Variants in KCNH8 observed in about 807,000 individuals in gnomAD.
KCNH8 encodes potassium voltage-gated channel subfamily H member 8.
Under a neutral mutation model 103.6 loss-of-function variants are expected in KCNH8, and 70 were observed. That is an observed-to-expected ratio of 0.68 (90% CI 0.56 to 0.82). The LOEUF (loss-of-function observed/expected upper bound fraction) is 0.82, where lower values mean the gene tolerates loss of function less well. Ranked by LOEUF, KCNH8 falls within the 40% of genes least tolerant of loss-of-function variation. The probability of loss-of-function intolerance (pLI) is 0.00; values close to 1 mark genes in which losing one functional copy is unlikely to be tolerated. For synonymous variants in KCNH8, 498 were observed against 489.4 expected (o/e 1.02, Z -0.23); for missense variants, 1,217 against 1,329.9 (o/e 0.92, Z 1.32).
intron 15 of KCNH8, among the ~76,000 whole-genome samples, chr3:19,519,485 C>CA (rs905065384): frequency 1.3e-5 from 2 of 151,088 alleles, no homozygotes; most frequent in African/African-American, 4.9e-5. Flanking sequence ...CTCCCTTCTG[C>CA]ACCTGCCCTC....
rs1477490635 is a variant in KCNH8 at position 19,184,470 on chromosome 3, G to A, written c.76+35675G>A. On this transcript the variant is annotated intron_variant, in intron 1 of 15. Coordinates refer to ENST00000328405, the MANE Select transcript of KCNH8 (RefSeq NM_144633.3). ...ATACATAAGCACTTCAACTGTATAT[G>A]TAATTTTTCTAATTTAAAATATAAA... Among the ~76,000 whole-genome samples the A allele has an allele frequency of 2.0e-5, 3 of 152,082 alleles. No homozygotes were observed. In the East Asian group the frequency reaches 5.8e-4, roughly 29 times the overall value.
intron 15 of KCNH8, among the ~76,000 whole-genome samples, chr3:19,527,697 G>T (rs1228268263): frequency 6.6e-6 from 1 of 152,084 alleles, no homozygotes; most frequent in African/African-American, 2.4e-5. Flanking sequence ...CCTTCTTAGG[G>T]GTATGGAAGG....
intron 3 of KCNH8, among the ~76,000 whole-genome samples, chr3:19,333,769 T>C (rs868062900): frequency 6.6e-6 from 1 of 152,240 alleles, no homozygotes; most frequent in Non-Finnish European, 1.5e-5. Flanking sequence ...TTAACAAATT[T>C]GGACCAGTTA....
At chr3:19,441,813 G>A (rs2067288818) in intron 8 of KCNH8, among the ~76,000 whole-genome samples, 1 of 152,168 alleles carries the variant, frequency 6.6e-6, no homozygotes. Context: ...GCTCCTACAG[G>A]CTTCCTTGCA....
intron 1 of KCNH8, among the ~76,000 whole-genome samples, chr3:19,230,500 A>G (rs1269125464): frequency 6.6e-6 from 1 of 152,212 alleles, no homozygotes; most frequent in African/African-American, 2.4e-5. Flanking sequence ...ATGAGAAAAG[A>G]TAAAGATCTG....
intron 8 of KCNH8, among the ~76,000 whole-genome samples, chr3:19,439,952 GA>G (rs2067257157): frequency 6.6e-6 from 1 of 150,788 alleles, no homozygotes; most frequent in South Asian, 2.1e-4. Flanking sequence ...AAAAGAGACA[GA>G]GGGAGGAGAG....
At chr3:19,189,424 T>C (rs1489135528) in intron 1 of KCNH8, among the ~76,000 whole-genome samples, 1 of 151,990 alleles carries the variant, frequency 6.6e-6, no homozygotes, top group Non-Finnish European at 1.5e-5. Context: ...CAGTTCATAT[T>C]GTGGGGCTAA....
chr3:19,503,184 C>T (rs1237039582), intron 11 of KCNH8, among the ~76,000 whole-genome samples: 2 of 151,428 alleles, frequency 1.3e-5, no homozygotes, highest in African/African-American at 2.4e-5. Context: ...AAAATGCTCA[C>T]CATCACTGGC....
chr3:19,501,901 A>G (rs534434366), intron 11 of KCNH8, among the ~76,000 whole-genome samples: 1 of 152,338 alleles, frequency 6.6e-6, no homozygotes, highest in East Asian at 1.9e-4. Context: ...CTCCTATTCA[A>G]TATAGTGTTG....
At chr3:19,506,835 C>A (rs575546592) in intron 11 of KCNH8, among the ~76,000 whole-genome samples, 2 of 152,196 alleles carry the variant, frequency 1.3e-5, no homozygotes, top group African/African-American at 4.8e-5. Flanking sequence ...AAGCTGGGGG[C>A]ACCCTACCTG....
chr3:19,505,025 A>ATG (rs548741548), intron 11 of KCNH8, among the ~76,000 whole-genome samples: 11 of 150,974 alleles, frequency 7.3e-5, no homozygotes, highest in African/African-American at 2.2e-4. Flanking sequence ...ATATATATGT[A>ATG]TGTGTATATA....
chr3:19,291,237 A>T (rs1023911830), intron 3 of KCNH8, among the ~76,000 whole-genome samples: 1 of 151,640 alleles, frequency 6.6e-6, no homozygotes, highest in African/African-American at 2.4e-5. Context: ...TTGTGTCTCT[A>T]TTTCCTTCAG....
At chr3:19,161,275 T>C (rs2063231765) in intron 1 of KCNH8, among the ~76,000 whole-genome samples, 1 of 152,206 alleles carries the variant, frequency 6.6e-6, no homozygotes, top group East Asian at 1.9e-4. Flanking sequence ...CCAGGTGGTA[T>C]TGGAACATAT....
At chr3:19,468,575 A>C (rs898544252) in intron 11 of KCNH8, among the ~76,000 whole-genome samples, 3 of 152,234 alleles carry the variant, frequency 2.0e-5, no homozygotes, top group Non-Finnish European at 4.4e-5. Context: ...ATTTAAGCTG[A>C]ATAATAGGGG....
intron 6 of KCNH8, among the ~76,000 whole-genome samples, chr3:19,392,276 A>G (rs2066448462): frequency 1.3e-5 from 2 of 149,100 alleles, no homozygotes; most frequent in Non-Finnish European, 3.0e-5. Context: ...ATCTAACACA[A>G]ATGCTTCATA....
chr3:19,196,651 G>A (rs1218738661), intron 1 of KCNH8, among the ~76,000 whole-genome samples: 1 of 151,994 alleles, frequency 6.6e-6, no homozygotes, highest in African/African-American at 2.4e-5. Context: ...ATGCTTGGTG[G>A]AGGCTAAATT....
chr3:19,445,900 G>T (rs2067355897), intron 8 of KCNH8, among the ~76,000 whole-genome samples: 1 of 151,906 alleles, frequency 6.6e-6, no homozygotes, highest in Non-Finnish European at 1.5e-5. Flanking sequence ...TAGATGCAGG[G>T]AAAACAAAGA....
chr3:19,410,819 A>G (rs541318266), intron 7 of KCNH8, among the ~76,000 whole-genome samples: 1 of 151,218 alleles, frequency 6.6e-6, no homozygotes, highest in African/African-American at 2.4e-5. Flanking sequence ...AAGAAAATGA[A>G]CACTGAACGC....
rs936421898 is a variant in KCNH8, at chr3:19,521,620, TAAG to T, written c.2619+3552_2619+3554del. Among the ~76,000 whole-genome samples, 21 of 152,030 alleles carry T rather than the reference TAAG, an allele frequency of 1.4e-4. 1 individual carries two copies. The highest frequency in any genetic ancestry group is 5.1e-4 in the African/African-American group (21 of 41,528). ...AGAATAAAATGAAAATGAATGGACC[TAAG>T]AAGAACATATTTGGTTATGAAAATC... On this transcript the variant is annotated intron_variant, in intron 15 of 15. Coordinates refer to ENST00000328405, the MANE Select transcript of KCNH8 (RefSeq NM_144633.3).
Sources: gnomAD v4.1 joint callset for allele counts (sites outside exome capture counted in the v4.1 genomes callset) on GRCh38, gnomAD v4.1.1 for gene constraint, MANE v1.5 for transcripts, NCBI Gene and HGNC (gene_info 2026-07-23, HGNC 2026-07-21) for gene names.